The following GALK2 variants were observed in gnomAD, a reference collection of about 807,000 sequenced individuals.
The protein encoded by GALK2 is galactokinase 2.
In GALK2, 36 loss-of-function variants were observed where a neutral mutation model predicts 52.4. The ratio of observed to expected loss-of-function variants is 0.69; its 90% CI spans 0.53 to 0.91. The LOEUF is 0.91. GALK2 is among the 40% of genes least tolerant of loss of function. The probability of loss-of-function intolerance (pLI) is 0.00; values close to 1 mark genes in which losing one functional copy is unlikely to be tolerated. For missense variants in GALK2, 579 were observed against 559.1 expected (o/e 1.04, Z -0.36); for synonymous variants, 176 against 199.1 (o/e 0.88, Z 0.98).
chr15:49,202,067 A>C (rs1479948074), intron 2 of GALK2, among the ~76,000 whole-genome samples: 1 of 152,072 alleles, frequency 6.6e-6, no homozygotes, highest in Admixed American at 6.6e-5. Context: ...GCAATGGTGC[A>C]GTCTCGGCTC....
chr15:49,336,478 A>G (rs546318827), downstream of GALK2, among the ~76,000 whole-genome samples: 2 of 152,208 alleles, frequency 1.3e-5, no homozygotes, highest in South Asian at 4.1e-4. Flanking sequence ...AACCTCTGCC[A>G]TCACTAAGAT....
chr15:49,319,867 A>G, intron 9 of GALK2, 62 bp downstream of exon 9: 1 of 1,393,968 alleles, frequency 7.2e-7, no homozygotes, highest in East Asian at 2.4e-5. Context: ...ATTAATGGAA[A>G]AAAATGCAAC....
chr15:49,273,703 C>T (rs138687474), intron 5 of GALK2, among the ~76,000 whole-genome samples: 55 of 152,126 alleles, frequency 3.6e-4, no homozygotes, highest in South Asian at 1.5e-3. Context: ...TGGATGGGCT[C>T]TACCTAATAT....
chr15:49,184,912 T>TA (rs2086239520), intron 1 of GALK2, among the ~76,000 whole-genome samples: 1 of 152,206 alleles, frequency 6.6e-6, no homozygotes, highest in Admixed American at 6.5e-5. Context: ...ATTATAGTGT[T>TA]ACAATGTTCT....
intron 1 of GALK2, among the ~76,000 whole-genome samples, chr15:49,162,337 C>T (rs1474986971): frequency 6.6e-6 from 1 of 152,094 alleles, no homozygotes; most frequent in African/African-American, 2.4e-5. Context: ...CTTTTTATTG[C>T]TGAATATTCA....
At chr15:49,327,291 G>A (rs1165180965) in intron 9 of GALK2, 1 of 152,192 alleles carries the variant, frequency 6.6e-6, no homozygotes, top group Non-Finnish European at 1.5e-5. Context: ...AGGTGGTGTG[G>A]ACCTCTAGGG....
At chr15:49,246,531 T>C (rs1401371723) in intron 5 of GALK2, among the ~76,000 whole-genome samples, 1 of 152,196 alleles carries the variant, frequency 6.6e-6, no homozygotes, top group Non-Finnish European at 1.5e-5. Context: ...AAACCCATAT[T>C]ATCTTGGTTG....
At chr15:49,347,600 G>A (rs1056970502) in intron 3 of GALK2, among the ~76,000 whole-genome samples, 1 of 152,046 alleles carries the variant, frequency 6.6e-6, no homozygotes, top group Non-Finnish European at 1.5e-5. Context: ...TGGTATCTAG[G>A]TGCAGTTGAG....
At chr15:49,365,407 A>G (rs2044970805) in intron 3 of GALK2, 1 of 1,075,394 alleles carries the variant, frequency 9.3e-7, no homozygotes, top group Non-Finnish European at 1.4e-6. Context: ...TCTAAACATC[A>G]ACTCTTCTAC....
At chr15:49,156,646 C>T in intron 1 of GALK2, 1 of 520,584 alleles carries the variant, frequency 1.9e-6, no homozygotes, top group Non-Finnish European at 3.8e-6. Context: ...ATATTAAGAG[C>T]ATTCCCAAAG....
At chr15:49,351,001 C>G (rs2042164798) in intron 3 of GALK2, among the ~76,000 whole-genome samples, 1 of 152,208 alleles carries the variant, frequency 6.6e-6, no homozygotes, top group Admixed American at 6.5e-5. Flanking sequence ...CTACACAGTT[C>G]TTAGAGGGAC....
rs1044832238 is a variant in GALK2 at position 49,204,056 on chromosome 15, A to G, written c.142+2806A>G. Reference sequence around the variant, plus strand: ...CTTGAATCTGGGAGGCGGAGGCTGCAGTGAGCCGAGATCAAACCACTACTG... The same window carrying G: ...CTTGAATCTGGGAGGCGGAGGCTGCGGTGAGCCGAGATCAAACCACTACTG... On this transcript the variant is annotated intron_variant, in intron 2 of 9. Transcript: ENST00000560031. 2.8e-4 allele frequency among the ~76,000 whole-genome samples: 42 copies of G among 150,832 alleles called. No individual in the cohort carries two copies. In the Middle Eastern group the frequency reaches 0.014, roughly 49 times the overall value.
At chr15:49,184,829 A>G (rs1035466027) in intron 1 of GALK2, among the ~76,000 whole-genome samples, 1 of 152,074 alleles carries the variant, frequency 6.6e-6, no homozygotes, top group Admixed American at 6.5e-5. Context: ...TTGAGAAGTT[A>G]TTGTAGTTAT....
At chr15:49,295,639 T>C (rs1325801566) in intron 8 of GALK2, among the ~76,000 whole-genome samples, 1 of 152,170 alleles carries the variant, frequency 6.6e-6, no homozygotes, top group Non-Finnish European at 1.5e-5. Flanking sequence ...CCTGTGTCCC[T>C]TTTGAGCCCA....
At chr15:49,225,271 G>C (rs1414063410) in intron 3 of GALK2, 2 of 455,732 alleles carry the variant, frequency 4.4e-6, no homozygotes, top group South Asian at 3.1e-5. Flanking sequence ...ACCATTCTTG[G>C]ACTGGTCCTG....
chr15:49,297,676 T>G (rs185525469), intron 8 of GALK2, among the ~76,000 whole-genome samples: 1 of 152,228 alleles, frequency 6.6e-6, no homozygotes, highest in Non-Finnish European at 1.5e-5. Flanking sequence ...TACCATTTAT[T>G]GAATAGGGAG....
At chr15:49,332,063 A>T (rs1248313919), downstream of GALK2, among the ~76,000 whole-genome samples, 1 of 147,370 alleles carries the variant, frequency 6.8e-6, no homozygotes, top group Admixed American at 6.9e-5. Context: ...TCAGACACCC[A>T]CCCCCGCTGC....
intron 3 of GALK2, 48 bp from the exon 4 acceptor site, chr15:49,235,803 G>A: frequency 7.9e-7 from 1 of 1,269,814 alleles, no homozygotes; most frequent in African/African-American, 1.5e-5. Flanking sequence ...TGATTTTGCA[G>A]CTCAAGGCCT....
At chr15:49,337,482 CA>C (rs111328995) in intron 3 of GALK2, among the ~76,000 whole-genome samples, 1 of 141,480 alleles carries the variant, frequency 7.1e-6, no homozygotes, top group East Asian at 2.1e-4. Context: ...TGGACACTTG[CA>C]ATGTCTGTTC....
Sources: allele counts gnomAD v4.1 joint callset (sites outside exome capture counted in the v4.1 genomes callset), GRCh38; gene constraint gnomAD v4.1.1; transcripts MANE v1.5; gene names NCBI Gene and HGNC (gene_info 2026-07-23, HGNC 2026-07-21).